Variants in TNRC6C observed in about 807,000 individuals in gnomAD.
TNRC6C encodes the protein trinucleotide repeat containing adaptor 6C, also known as trinucleotide repeat-containing gene 6C protein.
Under a neutral mutation model 153.7 loss-of-function variants are expected in TNRC6C, and 20 were observed. That is an observed-to-expected ratio of 0.13 (90% CI 0.09 to 0.19). The LOEUF is 0.19. Ranked by LOEUF, TNRC6C falls within the 10% of genes least tolerant of loss-of-function variation. The probability of loss-of-function intolerance (pLI) is 1.00; values close to 1 mark genes in which losing one functional copy is unlikely to be tolerated. For synonymous variants in TNRC6C, 811 were observed against 841.4 expected, an observed-to-expected ratio of 0.96 and a Z score of 0.63; for missense variants, 1,987 against 2,172.0, an observed-to-expected ratio of 0.91 and a Z score of 1.69.
At chr17:78,076,552 C>T (rs2073089144) in intron 8 of TNRC6C, among the ~76,000 whole-genome samples, 1 of 152,188 alleles carries the variant, frequency 6.6e-6, no homozygotes, top group Non-Finnish European at 1.5e-5. Flanking sequence ...CAATGTAACT[C>T]AGCATCGCAT....
intron 1 of TNRC6C, among the ~76,000 whole-genome samples, chr17:77,982,268 C>T (rs897087129): frequency 3.9e-5 from 6 of 152,036 alleles, no homozygotes; most frequent in African/African-American, 1.4e-4. Context: ...ACTAAGACAT[C>T]TGTGCTAAGG....
chr17:78,007,722 T>C (rs1023500002), intron 1 of TNRC6C, among the ~76,000 whole-genome samples: 2 of 152,236 alleles, frequency 1.3e-5, no homozygotes, highest in African/African-American at 4.8e-5. Context: ...TTGGATACTC[T>C]TAAGAGAGAA....
chr17:77,995,328 G>C lies in TNRC6C; in HGVS notation c.-37-8842G>C, dbSNP rs558247431. 1.2e-4 allele frequency among the ~76,000 whole-genome samples: 19 copies of C among 152,326 alleles called. No homozygotes were observed. The East Asian group carries it at 3.7e-3, about 29-fold the overall frequency. On this transcript the variant is annotated intron_variant, in intron 1 of 22. Transcript: ENST00000636222. ...CGACATGGCTGGAGTGTGCCTGCAG[G>C]ATCCTGCCAGGGAGCCCTCTAGCCA...
intron 1 of TNRC6C, among the ~76,000 whole-genome samples, chr17:78,031,106 TAAAA>T (rs907737702): frequency 6.9e-6 from 1 of 145,032 alleles, no homozygotes; most frequent in Admixed American, 6.9e-5. Flanking sequence ...GTCTCACACT[TAAAA>T]AAAAAAAGAA....
intron 1 of TNRC6C, among the ~76,000 whole-genome samples, chr17:77,980,348 AAC>A (rs1481436651): frequency 4.6e-5 from 7 of 152,192 alleles, no homozygotes; most frequent in African/African-American, 1.4e-4. Flanking sequence ...ATGGGGGAAA[AAC>A]ACAGGTTATT....
chr17:77,998,336 T>C (rs367943059), intron 1 of TNRC6C, among the ~76,000 whole-genome samples: 3 of 152,360 alleles, frequency 2.0e-5, no homozygotes, highest in East Asian at 1.9e-4. Context: ...TCTTGTTTGG[T>C]ATTCACAGAG....
chr17:78,076,514 C>G (rs2073088563), intron 8 of TNRC6C, among the ~76,000 whole-genome samples: 1 of 152,080 alleles, frequency 6.6e-6, no homozygotes, highest in Admixed American at 6.5e-5. Flanking sequence ...ACTGTTTAAA[C>G]TGATAAAATT....
intron 1 of TNRC6C, among the ~76,000 whole-genome samples, chr17:77,965,580 A>G (rs771074033): frequency 1.3e-5 from 2 of 152,290 alleles, no homozygotes; most frequent in Non-Finnish European, 2.9e-5. Flanking sequence ...CAAAACCTTT[A>G]TGTCTTCCCT....
At chr17:78,080,186 C>G (rs1282826709) in intron 10 of TNRC6C, among the ~76,000 whole-genome samples, 1 of 152,172 alleles carries the variant, frequency 6.6e-6, no homozygotes, top group Non-Finnish European at 1.5e-5. Flanking sequence ...GCGGCTCACG[C>G]CTGTAATCCC....
In TNRC6C at chr17:78,042,722, A is replaced by G. The variant is rs147508282; in HGVS notation, c.-218-6123A>G. ...GATGGAGTTGGTGATGATGGTGGAG[A>G]TAACAATGATGGTAGTGGTCATCAT... On this transcript the variant is annotated intron_variant, in intron 2 of 19. Coordinates refer to ENST00000301624, the Ensembl canonical transcript of TNRC6C. Among the ~76,000 whole-genome samples, 1,022 of 151,926 alleles carry G rather than the reference A, an allele frequency of 6.7e-3. 35 individuals carry two copies. The highest frequency in any genetic ancestry group is 0.062 in the Admixed American group (950 of 15,240).
At chr17:77,986,691 TTAAA>T (rs2071174641) in intron 1 of TNRC6C, among the ~76,000 whole-genome samples, 1 of 152,092 alleles carries the variant, frequency 6.6e-6, no homozygotes, top group Admixed American at 6.5e-5. Context: ...CTGGAATAAT[TTAAA>T]TAGTGTCATT....
At chr17:78,050,621 A>G in exon 3 of TNRC6C, 1 of 1,576,672 alleles carries the variant, frequency 6.3e-7, no homozygotes, top group Non-Finnish European at 8.6e-7. Flanking sequence ...GTGCCAGCAA[A>G]CACAGGTTGG....
At position 78,104,652 on chromosome 17, in the gene TNRC6C, G is replaced by T. The variant is rs752119878; in HGVS notation, c.4880G>T (p.Arg1627Leu). 2.6e-6 allele frequency: 4 copies of T among 1,545,036 alleles called. No homozygotes were observed. Among genetic ancestry groups the T allele is most frequent in the East Asian group, 2.4e-5 (1 of 40,886 alleles). Reference sequence around the variant, plus strand: ...GCGGGCAGCTCCCATGGCCTGGTACGCAGCGACGCTGGCCACTGGAACGCC... The same window carrying T: ...GCGGGCAGCTCCCATGGCCTGGTACTCAGCGACGCTGGCCACTGGAACGCC... Residue 1627 changes from arginine to leucine, a missense_variant, in exon 20 of 20, where the codon CGC becomes CTC. Around this residue, in one of 4 missense-constraint regions of TNRC6C, gnomAD observed 139 missense variants for 148.5 expected, o/e 0.94. Transcript: ENST00000301624. This position sits in a 1 kb window ranked among gnomAD's most constrained non-coding sequence, Gnocchi z 6.2.
chr17:78,014,810 A>G (rs2071698712), intron 1 of TNRC6C, among the ~76,000 whole-genome samples: 1 of 151,768 alleles, frequency 6.6e-6, no homozygotes. Context: ...ACGGTGATAG[A>G]TCAGCCAGAA....
rs150727299 is a variant in TNRC6C at position 78,050,037 on chromosome 17, A to G, written c.975A>G (p.Ser325=). 3.0e-4 allele frequency: 490 copies of G among 1,612,618 alleles called. No individual in the cohort carries two copies. In the African/African-American group the frequency reaches 5.8e-3, roughly 19 times the overall value. The stretch of plus-strand genomic sequence containing the variant: ...ACAATGGCGTTGGTAATATCCATTC[A>G]GGAGCTTGGGGCCACCCCAGCCGAA... The change falls in exon 3 of 20, where the codon TCA becomes TCG. Residue 325 remains serine (S), a synonymous_variant. Transcript: ENST00000301624.
At chr17:78,026,073 A>C (rs2071935922) in intron 1 of TNRC6C, among the ~76,000 whole-genome samples, 1 of 151,044 alleles carries the variant, frequency 6.6e-6, no homozygotes, top group Admixed American at 6.6e-5. Context: ...CAAGTTTTTG[A>C]GGTCTCTAGC....
upstream of TNRC6C, among the ~76,000 whole-genome samples, chr17:77,999,371 C>T (rs1240757266): frequency 6.6e-6 from 1 of 152,194 alleles, no homozygotes; most frequent in Non-Finnish European, 1.5e-5. Context: ...GAGAAAGTCA[C>T]CCCCACACAG....
intron 1 of TNRC6C, among the ~76,000 whole-genome samples, chr17:77,976,168 G>T (rs916550812): frequency 1.3e-5 from 2 of 152,124 alleles, no homozygotes; most frequent in South Asian, 4.1e-4. Flanking sequence ...TCAGCCCTGC[G>T]TAGTCTGTTT....
At chr17:78,100,360 C>T (rs1306107539) in intron 17 of TNRC6C, among the ~76,000 whole-genome samples, 1 of 152,200 alleles carries the variant, frequency 6.6e-6, no homozygotes, top group Non-Finnish European at 1.5e-5. Context: ...CAGGCATTTC[C>T]GTATATCCTC....
Sources: allele counts gnomAD v4.1 joint callset (sites outside exome capture counted in the v4.1 genomes callset), GRCh38; gene constraint gnomAD v4.1.1; regional missense constraint gnomAD v4.1.1; non-coding constraint Gnocchi (gnomAD v3.1); transcripts MANE v1.5; gene names NCBI Gene and HGNC (gene_info 2026-07-23, HGNC 2026-07-21).